Variants in GDI2 observed in about 807,000 individuals in gnomAD.
GDI2 encodes rab GDP dissociation inhibitor beta.
A neutral mutation model predicts 54.2 loss-of-function variants in GDI2; 22 were observed. That is an observed-to-expected ratio of 0.41 (90% CI 0.29 to 0.58). GDI2 has a LOEUF of 0.58. GDI2 is among the 20% of genes least tolerant of loss of function. GDI2 has a pLI of 0.35. For missense variants in GDI2, 422 were observed against 546.0 expected (o/e 0.77, Z 2.26); for synonymous variants, 177 against 182.1 (o/e 0.97, Z 0.23).
chr10:5,776,865 T>G lies in GDI2; in HGVS notation c.720-2924A>C. On this transcript the variant is annotated intron_variant, in intron 6 of 10. Coordinates refer to ENST00000380191, the MANE Select transcript of GDI2 (RefSeq NM_001494.4). This position sits in a 1 kb window ranked among gnomAD's most constrained non-coding sequence, Gnocchi z 5.3. ...TGAAAGGATTTATGAATAATTAAAA[T>G]GGAAGGCCAGAGAAGAGGGGAGAAG... 1.7e-6 allele frequency: 2 copies of G among 1,168,772 alleles called. No homozygotes were observed. The highest frequency in any genetic ancestry group is 2.4e-6 in the Non-Finnish European group (2 of 825,486). The allele number at this position is 1,168,772 out of a possible 1,614,324, so 72.4% of individuals were successfully genotyped here.
In GDI2 at chr10:5,768,423, G is replaced by C; in HGVS notation, c.820-39C>G. ...TTTAAGAAGACACTGAAGCGGACAA[G>C]GATATAGGGAAACACATCCCATGTT... On this transcript the variant is annotated intron_variant, in intron 7 of 10. Coordinates refer to ENST00000380191, the MANE Select transcript of GDI2 (RefSeq NM_001494.4). The surrounding 1 kb of genome is among the most constrained non-coding windows in gnomAD (Gnocchi z 4.4). 7.6e-7 allele frequency: 1 copy of C among 1,318,534 alleles called. No individual in the cohort carries two copies. The highest frequency in any genetic ancestry group is 1.1e-6 in the Non-Finnish European group (1 of 916,416). The allele number at this position is 1,318,534 out of a possible 1,614,324, so 81.7% of individuals were successfully genotyped here.
chr10:5,779,930 G>A (rs1840713791), intron 6 of GDI2, among the ~76,000 whole-genome samples: 1 of 151,876 alleles, frequency 6.6e-6, no homozygotes, highest in South Asian at 2.1e-4. Context: ...TGGGCTTCAA[G>A]CGATCCACCC....
intron 1 of GDI2, among the ~76,000 whole-genome samples, chr10:5,809,380 C>CA (rs2131724670): frequency 6.6e-6 from 1 of 152,264 alleles, no homozygotes; most frequent in South Asian, 2.1e-4. Flanking sequence ...AATCTCTCTC[C>CA]AAAGCTTCTG....
In GDI2 at chr10:5,776,240, C is replaced by T. The variant is rs944754511; in HGVS notation, c.720-2299G>A. 3 of 458,678 alleles carry T rather than the reference C, an allele frequency of 6.5e-6. No individual in the cohort carries two copies. Among genetic ancestry groups the T allele is most frequent in the Admixed American group, 3.1e-5 (1 of 32,728 alleles). 28.4% of individuals were successfully genotyped at this position (458,678 alleles called of 1,614,324 possible). ...GGAATTGCAAAGGAATAGGAAACAG[C>T]GCCTCCTCATCCAAGACAGGTGGAA... On this transcript the variant is annotated intron_variant, in intron 6 of 10. Coordinates refer to ENST00000380191, the MANE Select transcript of GDI2 (RefSeq NM_001494.4). This position sits in a 1 kb window ranked among gnomAD's most constrained non-coding sequence, Gnocchi z 5.3.
At chr10:5,767,684 A>T (rs892446435) in intron 8 of GDI2, among the ~76,000 whole-genome samples, 3 of 152,190 alleles carry the variant, frequency 2.0e-5, no homozygotes, top group Non-Finnish European at 4.4e-5. Context: ...AATTTTAGAT[A>T]AATAAAAAGA....
Position 5,774,542 on chromosome 10 carries a change from T to C in GDI2, c.720-601A>G, listed in dbSNP as rs1840573795. On this transcript the variant is annotated intron_variant, in intron 6 of 10. Transcript: ENST00000380191. This position sits in a 1 kb window ranked among gnomAD's most constrained non-coding sequence, Gnocchi z 4.8. ...CTCCCCTTTCCACTCTCCCGCTTGC[T>C]AACCAATCACCGGAACAGTTCCTCT... 6.6e-6 allele frequency among the ~76,000 whole-genome samples: 1 copy of C among 152,144 alleles called. No individual in the cohort carries two copies. The highest frequency in any genetic ancestry group is 1.5e-5 in the Non-Finnish European group (1 of 68,026).
intron 4 of GDI2, among the ~76,000 whole-genome samples, chr10:5,789,167 G>A (rs950727804): frequency 1.3e-5 from 2 of 151,434 alleles, no homozygotes; most frequent in South Asian, 2.1e-4. Context: ...GTGCAGTGGC[G>A]CAACCACAGC....
chr10:5,783,621 T>TA (rs1463985678), intron 6 of GDI2, among the ~76,000 whole-genome samples: 1 of 152,252 alleles, frequency 6.6e-6, no homozygotes, highest in African/African-American at 2.4e-5. Context: ...GAGCTCCTTT[T>TA]AGCAGTTCTT....
intron 1 of GDI2, among the ~76,000 whole-genome samples, chr10:5,809,616 C>T (rs894723691): frequency 6.6e-6 from 1 of 152,158 alleles, no homozygotes; most frequent in African/African-American, 2.4e-5. Context: ...CATACTAATT[C>T]TTATTAGTTA....
chr10:5,775,678 A>G (rs1840602021), intron 6 of GDI2, among the ~76,000 whole-genome samples: 1 of 152,208 alleles, frequency 6.6e-6, no homozygotes, highest in African/African-American at 2.4e-5. Context: ...CCAGAAATAA[A>G]CAGCTGAAAG....
chr10:5,792,959 C>CAAA (rs34475268), intron 4 of GDI2, among the ~76,000 whole-genome samples: 10,091 of 91,652 alleles, frequency 0.11, 457 homozygotes, highest in Non-Finnish European at 0.15. Flanking sequence ...GACCTTTGTC[C>CAAA]AAAAAAAAAA....
chr10:5,772,085 A>C (rs1021917700), intron 7 of GDI2, among the ~76,000 whole-genome samples: 22 of 152,014 alleles, frequency 1.4e-4, no homozygotes, highest in Admixed American at 4.6e-4. Context: ...AGAAAAAAAA[A>C]AACACACCAT....
intron 1 of GDI2, among the ~76,000 whole-genome samples, chr10:5,804,896 C>T (rs1162010747): frequency 1.3e-5 from 2 of 151,102 alleles, no homozygotes; most frequent in African/African-American, 2.4e-5. Context: ...TGCAATGGCA[C>T]GATCTCAGCT....
At chr10:5,793,114 C>G (rs1392482173) in intron 4 of GDI2, among the ~76,000 whole-genome samples, 1 of 152,138 alleles carries the variant, frequency 6.6e-6, no homozygotes, top group African/African-American at 2.4e-5. Context: ...CCTGCCTCAG[C>G]CTCCACAATA....
At chr10:5,802,997 T>A (rs1841302831) in intron 1 of GDI2, among the ~76,000 whole-genome samples, 1 of 152,208 alleles carries the variant, frequency 6.6e-6, no homozygotes, top group African/African-American at 2.4e-5. Flanking sequence ...TTTAAATTAC[T>A]CCTCCCTTTT....
At chr10:5,811,321 A>C (rs1175900116) in intron 1 of GDI2, among the ~76,000 whole-genome samples, 1 of 152,228 alleles carries the variant, frequency 6.6e-6, no homozygotes, top group East Asian at 1.9e-4. Flanking sequence ...ATTTCTAGTT[A>C]AGTATGCATC....
At position 5,805,966 on chromosome 10, in the gene GDI2, G is replaced by A. The variant is rs111902364; in HGVS notation, c.46-5261C>T. ...TTTACTTCTCCATTTTACTCCTGGT[G>A]GATATTTGGATAGTTTCCAGTTTTT... is the stretch of plus-strand genomic sequence containing the variant. On this transcript the variant is annotated intron_variant, in intron 1 of 10. Coordinates refer to ENST00000380191, the MANE Select transcript of GDI2 (RefSeq NM_001494.4). 7.0e-3 allele frequency among the ~76,000 whole-genome samples: 1,068 copies of A among 152,224 alleles called. 6 individuals carry two copies. The highest frequency in any genetic ancestry group is 0.011 in the Non-Finnish European group (728 of 68,022).
intron 1 of GDI2, among the ~76,000 whole-genome samples, chr10:5,811,503 T>C (rs1841479044): frequency 6.6e-6 from 1 of 152,138 alleles, no homozygotes; most frequent in Non-Finnish European, 1.5e-5. Flanking sequence ...TTAACTGACC[T>C]CAATTGTGAG....
chr10:5,788,648 G>T (rs991102504), intron 4 of GDI2, among the ~76,000 whole-genome samples: 3 of 152,152 alleles, frequency 2.0e-5, no homozygotes, highest in African/African-American at 7.2e-5. Flanking sequence ...AATTTCTGTT[G>T]GGCTGCATTC....
Sources: allele counts gnomAD v4.1 joint callset (sites outside exome capture counted in the v4.1 genomes callset), GRCh38; gene constraint gnomAD v4.1.1; non-coding constraint Gnocchi (gnomAD v3.1); transcripts MANE v1.5; gene names NCBI Gene and HGNC (gene_info 2026-07-23, HGNC 2026-07-21).